SLC41A3: variants seen among roughly 807,000 people sequenced by gnomAD.
SLC41A3 encodes the protein solute carrier family 41 member 3, also known as SLC41A1-like 2.
Under a neutral mutation model 45.4 loss-of-function variants are expected in SLC41A3, and 44 were observed. That is an observed-to-expected ratio of 0.97 (90% CI 0.76 to 1.25). The LOEUF is 1.25. Ranked by LOEUF, SLC41A3 falls within the 50% of genes most tolerant of loss-of-function variation. The pLI, the probability that SLC41A3 is intolerant of heterozygous loss-of-function variation, is 0.00. For missense variants in SLC41A3, 550 were observed against 600.6 expected (o/e 0.92, Z 0.88); for synonymous variants, 256 against 252.4 (o/e 1.01, Z -0.13).
At chr3:126,056,500 C>A (rs367939630) in intron 2 of SLC41A3, 5 of 1,614,166 alleles carry the variant, frequency 3.1e-6, no homozygotes, top group Non-Finnish European at 3.4e-6. Flanking sequence ...GCTGAAGCCT[C>A]GCAGCTTCTT....
intron 8 of SLC41A3, among the ~76,000 whole-genome samples, chr3:126,015,291 G>A (rs888257347): frequency 2.0e-5 from 3 of 152,192 alleles, no homozygotes; most frequent in Non-Finnish European, 4.4e-5. Flanking sequence ...TGCGAACAGT[G>A]TGTGGGGCTT....
intron 8 of SLC41A3, among the ~76,000 whole-genome samples, chr3:126,014,782 T>G (rs1215900088): frequency 6.6e-6 from 1 of 152,248 alleles, no homozygotes; most frequent in African/African-American, 2.4e-5. Flanking sequence ...AAAACATGTT[T>G]TGTTCTTCTC....
intron 2 of SLC41A3, chr3:126,057,048 T>C: frequency 1.0e-6 from 1 of 998,046 alleles, no homozygotes; most frequent in Non-Finnish European, 1.2e-6. Context: ...TGCTGGGCTG[T>C]TCCCCTCCTG....
intron 3 of SLC41A3, among the ~76,000 whole-genome samples, chr3:126,049,324 T>C (rs1451553127): frequency 1.3e-5 from 2 of 152,120 alleles, no homozygotes; most frequent in Admixed American, 6.5e-5. Context: ...CTGCCTCTGC[T>C]AAAAATACAA....
chr3:126,090,804 G>A (rs1267854711), intron 1 of SLC41A3, among the ~76,000 whole-genome samples: 1 of 152,114 alleles, frequency 6.6e-6, no homozygotes, highest in South Asian at 2.1e-4. Context: ...AGGAAGAGTG[G>A]GGCATGTGAG....
In SLC41A3 at chr3:126,056,235, C is replaced by T. The variant is rs951698090; in HGVS notation, c.274-5185G>A. The T allele has an allele frequency of 2.1e-5, 27 of 1,262,368 alleles. No homozygotes were observed. In the Admixed American group the frequency reaches 5.5e-4, roughly 26 times the overall value. 78.2% of individuals were successfully genotyped at this position (1,262,368 alleles called of 1,614,324 possible). A position where few individuals can be genotyped will look rare whatever the true frequency, so the allele number is the denominator to read the frequency against. Reference sequence around the variant, plus strand: ...ACCCGGGACGCCCAAGCAGCAAGGGCAGGTTGAGGGCTGCCCTCCCACTGT... The same window carrying T: ...ACCCGGGACGCCCAAGCAGCAAGGGTAGGTTGAGGGCTGCCCTCCCACTGT... On this transcript the variant is annotated intron_variant, in intron 2 of 10. Coordinates refer to ENST00000360370, the MANE Select transcript of SLC41A3 (RefSeq NM_017836.4).
In SLC41A3 at chr3:126,007,154, G is replaced by C; in HGVS notation, c.1326C>G (p.Asn442Lys). 1 of 1,614,204 alleles carries C rather than the reference G, an allele frequency of 6.2e-7. No individual in the cohort carries two copies. Among genetic ancestry groups the C allele is most frequent in the Non-Finnish European group, 8.5e-7 (1 of 1,180,034 alleles). ...GCCCTGTAAGGTAGGGGATGCAGTGGTTGTCAGGATCCAGGGCCTGGTGCC... is the reference window on the plus strand; with the variant it reads ...GCCCTGTAAGGTAGGGGATGCAGTGCTTGTCAGGATCCAGGGCCTGGTGCC... ...LTWHQALDPD[N>K]HCIPYLTGLG... Residue 442 changes from asparagine (N) to lysine (K), a missense_variant, in exon 11 of 11, where the codon AAC becomes AAG. Asn to Lys is a moderately conservative substitution (Grantham distance 94). Coordinates refer to ENST00000360370, the MANE Select transcript of SLC41A3 (RefSeq NM_017836.4).
At chr3:126,060,462 G>A (rs894973886) in intron 2 of SLC41A3, among the ~76,000 whole-genome samples, 4 of 40,838 alleles carry the variant, frequency 9.8e-5, no homozygotes, top group East Asian at 7.2e-4. Context: ...ACACACACAC[G>A]TGCATGCACA....
chr3:126,016,653 C>T (rs1170709600), intron 7 of SLC41A3, 78 bp downstream of exon 7: 8 of 1,514,108 alleles, frequency 5.3e-6, no homozygotes, highest in African/African-American at 1.4e-5. Context: ...TCCCCCAAGG[C>T]AGTGAGTGTC....
At chr3:126,054,195 C>T (rs946524472) in intron 2 of SLC41A3, among the ~76,000 whole-genome samples, 12 of 152,130 alleles carry the variant, frequency 7.9e-5, no homozygotes, top group Admixed American at 5.2e-4. Flanking sequence ...ACACATAAGT[C>T]CTATGAACCC....
intron 1 of SLC41A3, among the ~76,000 whole-genome samples, chr3:126,097,100 A>G (rs1026782015): frequency 5.9e-5 from 9 of 152,216 alleles, no homozygotes; most frequent in Non-Finnish European, 1.2e-4. Flanking sequence ...CCATGATCCT[A>G]GGACTTTTAT....
intron 7 of SLC41A3, among the ~76,000 whole-genome samples, chr3:126,016,256 A>T (rs1940266343): frequency 6.6e-6 from 1 of 152,240 alleles, no homozygotes; most frequent in Non-Finnish European, 1.5e-5. Flanking sequence ...AAGGCTCTGG[A>T]AGGGCGCTAA....
At chr3:126,060,400 C>G (rs1943996174) in intron 2 of SLC41A3, among the ~76,000 whole-genome samples, 1 of 133,938 alleles carries the variant, frequency 7.5e-6, no homozygotes, top group Non-Finnish European at 1.6e-5. Context: ...GCCTGGAAAA[C>G]AAGAGCAAAA....
chr3:126,015,637 T>C, intron 7 of SLC41A3, 64 bp from the exon 8 acceptor site: 7 of 1,481,434 alleles, frequency 4.7e-6, no homozygotes, highest in South Asian at 4.6e-5. Flanking sequence ...CCTGCAACTC[T>C]CCACACAAAT....
At chr3:126,063,872 T>G (rs1944200790) in intron 2 of SLC41A3, among the ~76,000 whole-genome samples, 1 of 145,450 alleles carries the variant, frequency 6.9e-6, no homozygotes, top group Non-Finnish European at 1.5e-5. Context: ...TCACTTCAAC[T>G]CCGATGAAGT....
intron 3 of SLC41A3, among the ~76,000 whole-genome samples, chr3:126,042,627 G>A (rs1027627883): frequency 3.3e-5 from 5 of 152,078 alleles, no homozygotes; most frequent in East Asian, 1.9e-4. Flanking sequence ...TATGTTCAGT[G>A]AGCTAAAGGA....
chr3:126,021,220 T>C (rs899487081), intron 6 of SLC41A3, among the ~76,000 whole-genome samples: 11 of 133,742 alleles, frequency 8.2e-5, no homozygotes, highest in African/African-American at 3.1e-4. Context: ...ACCCCCTATC[T>C]TTTCCTGGGC....
intron 1 of SLC41A3, among the ~76,000 whole-genome samples, chr3:126,093,800 G>A (rs1178454273): frequency 6.6e-6 from 1 of 152,062 alleles, no homozygotes; most frequent in Non-Finnish European, 1.5e-5. Flanking sequence ...AAATAAAGAA[G>A]GCAAAGCAGC....
chr3:126,028,292 C>A (rs1320542927), intron 4 of SLC41A3, among the ~76,000 whole-genome samples: 1 of 152,042 alleles, frequency 6.6e-6, no homozygotes, highest in Non-Finnish European at 1.5e-5. Context: ...AGGGCCCCTG[C>A]TGCCCTGCAC....
Sources: gnomAD v4.1 joint callset for allele counts (sites outside exome capture counted in the v4.1 genomes callset) on GRCh38, gnomAD v4.1.1 for gene constraint, MANE v1.5 for transcripts, NCBI Gene and HGNC (gene_info 2026-07-23, HGNC 2026-07-21) for gene names.